NAA40: variants seen among roughly 807,000 people sequenced by gnomAD.
NAA40 encodes the protein N-alpha-acetyltransferase 40.
NAA40 carries 26 observed loss-of-function variants against 36.6 expected under a neutral mutation model. The ratio of observed to expected loss-of-function variants is 0.71; its 90% CI spans 0.52 to 0.98. The LOEUF (loss-of-function observed/expected upper bound fraction) is 0.98, where lower values mean the gene tolerates loss of function less well. Ranked by LOEUF, NAA40 falls within the 50% of genes least tolerant of loss-of-function variation. The pLI, the probability that NAA40 is intolerant of heterozygous loss-of-function variation, is 0.00. For missense variants in NAA40, 237 were observed against 306.5 expected, an observed-to-expected ratio of 0.77 and a Z score of 1.69; for synonymous variants, 129 against 108.4, an observed-to-expected ratio of 1.19 and a Z score of -1.18.
intron 3 of NAA40, among the ~76,000 whole-genome samples, chr11:63,948,722 A>G (rs1942227901): frequency 9.0e-6 from 1 of 111,384 alleles, no homozygotes; most frequent in Admixed American, 1.1e-4. Context: ...CATCTCAAAA[A>G]AATGTATATA....
intron 3 of NAA40, among the ~76,000 whole-genome samples, chr11:63,947,547 A>C (rs1942207465): frequency 6.6e-6 from 1 of 152,064 alleles, no homozygotes; most frequent in South Asian, 2.1e-4. Flanking sequence ...GTCTCTTTAG[A>C]TAAATTTTTC....
intron 2 of NAA40, chr11:63,946,490 C>T: frequency 9.0e-7 from 1 of 1,114,156 alleles, no homozygotes; most frequent in South Asian, 2.2e-5. Flanking sequence ...CAGGCGTGAG[C>T]CACAGTGCCC....
chr11:63,940,478 G>A (rs1470823716), intron 1 of NAA40, among the ~76,000 whole-genome samples: 1 of 152,206 alleles, frequency 6.6e-6, no homozygotes, highest in Non-Finnish European at 1.5e-5. Context: ...GCCTTTATGT[G>A]TTTGAATTTC....
rs1235660169 is a variant in NAA40, at chr11:63,952,582, G to A, written c.410+17G>A. The A allele has an allele frequency of 5.6e-6, 9 of 1,611,576 alleles. No homozygotes were observed. The highest frequency in any genetic ancestry group is 6.8e-6 in the Non-Finnish European group (8 of 1,177,896). Reference sequence around the variant, plus strand: ...CCTGTACTGGTAGGAGCCATGGCTTGGGGGAGGTAGGGGAGAGAGACCCTG... The same window carrying A: ...CCTGTACTGGTAGGAGCCATGGCTTAGGGGAGGTAGGGGAGAGAGACCCTG... On this transcript the variant is annotated intron_variant, in intron 5 of 7. Coordinates refer to ENST00000377793, the MANE Select transcript of NAA40 (RefSeq NM_024771.4).
chr11:63,941,636 T>C (rs1942110710), intron 1 of NAA40, among the ~76,000 whole-genome samples: 1 of 152,122 alleles, frequency 6.6e-6, no homozygotes, highest in African/African-American at 2.4e-5. Flanking sequence ...CACTGCAATC[T>C]CTGCCTCCCA....
At chr11:63,950,154 CTG>C (rs1288483134) in intron 3 of NAA40, among the ~76,000 whole-genome samples, 2 of 139,336 alleles carry the variant, frequency 1.4e-5, no homozygotes, top group African/African-American at 2.8e-5. Context: ...GAGTCTCGCT[CTG>C]TGCCTAGGCT....
Position 63,957,056 on chromosome 11 carries a change from T to A in NAA40, c.*2577T>A, listed in dbSNP as rs931751911. On this transcript the variant is annotated 3_prime_UTR_variant, in exon 8 of 8. Transcript: ENST00000377793. The stretch of plus-strand genomic sequence containing the variant: ...TTGTTTGTTTGGAGCATGTTAAGAT[T>A]TTTTTAAGATTTTTAAAATTTTAGT... The A allele has an allele frequency of 1.3e-5, 2 of 152,044 alleles. No homozygotes were observed. Among genetic ancestry groups the A allele is most frequent in the African/African-American group, 4.8e-5 (2 of 41,522 alleles). The allele number at this position is 152,044 out of a possible 1,614,324, so 9.4% of individuals were successfully genotyped here.
In NAA40 at chr11:63,940,357, A is replaced by G. The variant is rs954909244; in HGVS notation, c.6+1255A>G. Among the ~76,000 whole-genome samples, 124 of 152,162 alleles carry G rather than the reference A, an allele frequency of 8.1e-4. 1 individual carries two copies. Among genetic ancestry groups the G allele is most frequent in the Non-Finnish European group, 6.2e-4 (42 of 67,988 alleles). ...AGCCACCACACAGGCCTATATTAGT[A>G]TTTACATGGAATTTCCATCACCTTA... On this transcript the variant is annotated intron_variant, in intron 1 of 7. Transcript: ENST00000377793.
intron 1 of NAA40, among the ~76,000 whole-genome samples, chr11:63,941,306 G>A (rs1410923201): frequency 6.6e-6 from 1 of 152,328 alleles, no homozygotes. Flanking sequence ...GCAGAGCCTG[G>A]CCTCAGGCTG....
At chr11:63,945,756 C>A in intron 1 of NAA40, 84 bp from the exon 2 acceptor site, 1 of 1,183,874 alleles carries the variant, frequency 8.4e-7, no homozygotes, top group Non-Finnish European at 1.3e-6. Flanking sequence ...CCTGTGGATG[C>A]AGGGCCCTTC....
Position 63,957,212 on chromosome 11 carries a change from A to ATTTTTT in NAA40, c.*2739_*2744dup, listed in dbSNP as rs59290702. 1 of 64,296 alleles carries ATTTTTT rather than the reference A, an allele frequency of 1.6e-5. No homozygotes were observed. Among genetic ancestry groups the ATTTTTT allele is most frequent in the African/African-American group, 4.2e-5 (1 of 23,938 alleles). 4.0% of individuals were successfully genotyped at this position (64,296 alleles called of 1,614,324 possible). A position where few individuals can be genotyped will look rare whatever the true frequency, so the allele number is the denominator to read the frequency against. On this transcript the variant is annotated 3_prime_UTR_variant, in exon 8 of 8. Coordinates refer to ENST00000377793, the MANE Select transcript of NAA40 (RefSeq NM_024771.4). ...CCTTGATATATATATATATATATAT[A>ATTTTTT]TTTTTTTTTTTCTTTAGCAGCTTGT...
chr11:63,948,675 G>A (rs1942227295), intron 3 of NAA40, among the ~76,000 whole-genome samples: 2 of 151,952 alleles, frequency 1.3e-5, no homozygotes, highest in Admixed American at 6.6e-5. Flanking sequence ...CCAAGATTGC[G>A]CCATTGCACT....
At chr11:63,950,505 C>T (rs1424897332) in intron 3 of NAA40, among the ~76,000 whole-genome samples, 2 of 151,566 alleles carry the variant, frequency 1.3e-5, no homozygotes, top group African/African-American at 2.4e-5. Flanking sequence ...GAGTCTCGCC[C>T]AGGCTGGAGT....
chr11:63,945,164 C>T (rs957657929), intron 1 of NAA40, among the ~76,000 whole-genome samples: 3 of 152,334 alleles, frequency 2.0e-5, no homozygotes, highest in South Asian at 2.1e-4. Context: ...CCTGCAGCTT[C>T]GTCTTGCTGG....
intron 1 of NAA40, among the ~76,000 whole-genome samples, chr11:63,940,909 T>G (rs1358230254): frequency 2.0e-5 from 3 of 152,208 alleles, no homozygotes; most frequent in Non-Finnish European, 4.4e-5. Context: ...TTGTTGAAAC[T>G]AAATGAAACC....
chr11:63,947,727 GT>G (rs55682014), intron 3 of NAA40, among the ~76,000 whole-genome samples: 3 of 118,178 alleles, frequency 2.5e-5, no homozygotes, highest in Admixed American at 1.0e-4. Flanking sequence ...ATTTTTGTGG[GT>G]TTTTTTTTTT....
In NAA40 at chr11:63,954,481, C is replaced by T; in HGVS notation, c.*2C>T. On this transcript the variant is annotated 3_prime_UTR_variant, in exon 8 of 8. Transcript: ENST00000377793. ...CACTGTGGTGGCTGCTGCCACTGAA[C>T]TCTCAGAGCCACTTTCAAGTCACAA... The T allele has an allele frequency of 3.1e-6, 5 of 1,589,952 alleles. No homozygotes were observed. The highest frequency in any genetic ancestry group is 4.3e-6 in the Non-Finnish European group (5 of 1,170,026).
intron 6 of NAA40, among the ~76,000 whole-genome samples, chr11:63,953,045 C>T (rs200629015): frequency 1.8e-4 from 19 of 106,826 alleles, no homozygotes; most frequent in East Asian, 3.0e-4. Context: ...CAGTGAACAT[C>T]TTTTTTTTTT....
chr11:63,944,914 A>AG (rs1297108874), intron 1 of NAA40, among the ~76,000 whole-genome samples: 2 of 151,294 alleles, frequency 1.3e-5, no homozygotes, highest in Non-Finnish European at 3.0e-5. Context: ...AAAAAAAAAA[A>AG]AAAAGAAGAG....
Sources: gnomAD v4.1 joint callset for allele counts (sites outside exome capture counted in the v4.1 genomes callset) on GRCh38, gnomAD v4.1.1 for gene constraint, MANE v1.5 for transcripts, NCBI Gene and HGNC (gene_info 2026-07-23, HGNC 2026-07-21) for gene names.